Variants in STK32A observed in about 807,000 individuals in gnomAD.
STK32A encodes the protein serine/threonine kinase 32A.
STK32A carries 41 observed loss-of-function variants against 53.2 expected under a neutral mutation model. The ratio of observed to expected loss-of-function variants is 0.77; its 90% confidence interval spans 0.60 to 1.00. The LOEUF (loss-of-function observed/expected upper bound fraction) is 1.00. Among genes scored for constraint, STK32A ranks in the 50% least tolerant of loss-of-function variants. STK32A has a pLI of 0.00. For missense variants in STK32A, 458 were observed against 485.8 expected, an observed-to-expected ratio of 0.94 and a Z score of 0.54; for synonymous variants, 166 against 162.8, an observed-to-expected ratio of 1.02 and a Z score of -0.15.
At chr5:147,267,222 T>C (rs1750242619) in intron 2 of STK32A, among the ~76,000 whole-genome samples, 1 of 152,172 alleles carries the variant, frequency 6.6e-6, no homozygotes, top group Non-Finnish European at 1.5e-5. Flanking sequence ...AGAAGGTATA[T>C]TGTATCTGGT....
chr5:147,246,815 C>A (rs957343187), intron 2 of STK32A, among the ~76,000 whole-genome samples: 4 of 152,092 alleles, frequency 2.6e-5, no homozygotes, highest in Non-Finnish European at 5.9e-5. Flanking sequence ...TAATTTATAT[C>A]TATTTGGTTT....
At chr5:147,250,665 A>G (rs1449827011) in intron 2 of STK32A, among the ~76,000 whole-genome samples, 2 of 152,036 alleles carry the variant, frequency 1.3e-5, no homozygotes, top group Non-Finnish European at 2.9e-5. Context: ...ATATGGGCCC[A>G]GTGCGGTGGC....
the STK32A span, among the ~76,000 whole-genome samples, chr5:147,395,119 A>G: frequency 3.9e-5 from 6 of 152,358 alleles, no homozygotes; most frequent in Non-Finnish European, 8.8e-5. Context: ...GGAATGGGAG[A>G]ATATAATAAA....
At chr5:147,270,461 G>T (rs184114052) in intron 2 of STK32A, among the ~76,000 whole-genome samples, 1 of 152,178 alleles carries the variant, frequency 6.6e-6, no homozygotes, top group Admixed American at 6.5e-5. Context: ...TGATTCTCCT[G>T]CCTCAGCCTC....
intron 2 of STK32A, among the ~76,000 whole-genome samples, chr5:147,245,887 G>C (rs1161953697): frequency 6.6e-6 from 1 of 152,200 alleles, no homozygotes. Flanking sequence ...TTCAGTGACA[G>C]AGGCAATGGG....
chr5:147,379,267 C>T (rs1481671816), intron 11 of STK32A, among the ~76,000 whole-genome samples: 1 of 151,648 alleles, frequency 6.6e-6, no homozygotes, highest in Non-Finnish European at 1.5e-5. Flanking sequence ...TTTGCACATT[C>T]ATTTTATATC....
chr5:147,259,832 T>TCC (rs1161828891), intron 2 of STK32A, among the ~76,000 whole-genome samples: 2 of 147,248 alleles, frequency 1.4e-5, no homozygotes, highest in African/African-American at 5.0e-5. Context: ...CTCTTGTTTC[T>TCC]CTCTCCTCTG....
At chr5:147,244,502 T>G (rs1179817297) in intron 2 of STK32A, among the ~76,000 whole-genome samples, 1 of 152,216 alleles carries the variant, frequency 6.6e-6, no homozygotes, top group African/African-American at 2.4e-5. Flanking sequence ...GGACACAGCC[T>G]GGCATGATGG....
chr5:147,349,804 G>C lies in STK32A; in HGVS notation c.473-1261G>C, dbSNP rs1192339730. Among the ~76,000 whole-genome samples the C allele has an allele frequency of 3.3e-5, 5 of 152,140 alleles. No homozygotes were observed. In the East Asian group the frequency reaches 5.8e-4, roughly 18 times the overall value. On this transcript the variant is annotated intron_variant, in intron 6 of 12. Transcript: ENST00000397936. ...GGCTCCCAGTCTAGTGCTCTTTATA[G>C]AATCCCTTTAAAAATGAAGTTGACT...
chr5:147,259,255 G>C (rs1369451675), intron 2 of STK32A, among the ~76,000 whole-genome samples: 1 of 152,000 alleles, frequency 6.6e-6, no homozygotes, highest in Non-Finnish European at 1.5e-5. Context: ...TTTTGACTTA[G>C]GGTAGTTCTG....
chr5:147,324,060 C>T lies in STK32A; in HGVS notation c.423C>T (p.Arg141=). 1 of 1,603,888 alleles carries T rather than the reference C, an allele frequency of 6.2e-7. No homozygotes were observed. Among genetic ancestry groups the T allele is most frequent in the African/African-American group, 1.3e-5 (1 of 74,890 alleles). The change falls in exon 5 of 13, where the codon CGC becomes CGT. Residue 141 remains arginine (R), a synonymous_variant. Transcript: ENST00000397936. ...VMALDYLQNQ[R]IIHRDMKPDN... ...CCCTGGACTACCTGCAGAACCAGCG[C>T]ATCATTCACAGGTCAGTCAAGTCCA... is the stretch of plus-strand genomic sequence containing the variant.
chr5:147,332,829 C>A (rs1754939603), intron 5 of STK32A, among the ~76,000 whole-genome samples: 1 of 152,208 alleles, frequency 6.6e-6, no homozygotes, highest in Non-Finnish European at 1.5e-5. Context: ...ATTGTGAAAA[C>A]AGGAGAATCT....
the STK32A span, among the ~76,000 whole-genome samples, chr5:147,396,956 AT>A: frequency 3.6e-5 from 4 of 112,366 alleles, no homozygotes; most frequent in African/African-American, 1.5e-4. Flanking sequence ...ATTTATACGC[AT>A]TTTTGTTTTT....
At chr5:147,305,815 G>C (rs1360762104) in intron 4 of STK32A, among the ~76,000 whole-genome samples, 2 of 151,630 alleles carry the variant, frequency 1.3e-5, no homozygotes, top group African/African-American at 4.8e-5. Context: ...TGAGACTTTC[G>C]CAGAGTACTA....
At chr5:147,324,102 C>T (rs776604310) in intron 5 of STK32A, 31 bp downstream of exon 5, 164 of 1,561,786 alleles carry the variant, frequency 1.1e-4, no homozygotes, top group Non-Finnish European at 1.3e-4. Flanking sequence ...TGGCCATGAA[C>T]GTAACGCAAG....
At chr5:147,281,637 G>T (rs183523038) in intron 4 of STK32A, among the ~76,000 whole-genome samples, 148 of 151,764 alleles carry the variant, frequency 9.8e-4, no homozygotes, top group Non-Finnish European at 1.8e-3. Context: ...AAGAATAATG[G>T]GTGTCCCTGA....
intron 4 of STK32A, among the ~76,000 whole-genome samples, chr5:147,302,082 A>G (rs1753168082): frequency 6.6e-6 from 1 of 152,130 alleles, no homozygotes; most frequent in Non-Finnish European, 1.5e-5. Context: ...AAGAAAACAT[A>G]TTTGCAGGTT....
rs1432191493 is a variant in STK32A at position 147,373,599 on chromosome 5, C to T, written c.903+305C>T. ...TCCTAGTTCCCCAAATAGTCATTCT[C>T]ATGAATCTGCTGGGGTTTTTTTTAA... On this transcript the variant is annotated intron_variant, in intron 10 of 12. Transcript: ENST00000397936. Among the ~76,000 whole-genome samples, 3 of 150,648 alleles carry T rather than the reference C, an allele frequency of 2.0e-5. No homozygotes were observed. The Admixed American group carries it at 2.0e-4, about 10-fold the overall frequency.
intron 4 of STK32A, among the ~76,000 whole-genome samples, chr5:147,289,239 G>A (rs1467594713): frequency 6.6e-6 from 1 of 152,120 alleles, no homozygotes; most frequent in Non-Finnish European, 1.5e-5. Context: ...ATTTAATCAA[G>A]ATTTTATGTC....
Sources: gnomAD v4.1 joint callset for allele counts (sites outside exome capture counted in the v4.1 genomes callset) on GRCh38, gnomAD v4.1.1 for gene constraint, MANE v1.5 for transcripts, NCBI Gene and HGNC (gene_info 2026-07-23, HGNC 2026-07-21) for gene names.